Variants in WASHC4 observed in about 807,000 individuals in gnomAD.
The protein encoded by WASHC4 is WASH complex subunit 4.
Under a neutral mutation model 166.6 loss-of-function variants are expected in WASHC4, and 86 were observed. The observed-to-expected ratio is 0.52, with a 90% confidence interval of 0.43 to 0.62. WASHC4 has a LOEUF of 0.62. WASHC4 is among the 20% of genes least tolerant of loss of function. The pLI, the probability that WASHC4 is intolerant of heterozygous loss-of-function variation, is 0.00. For synonymous variants in WASHC4, 446 were observed against 451.6 expected (o/e 0.99, Z 0.16); for missense variants, 1,262 against 1,382.4 (o/e 0.91, Z 1.38).
At chr12:105,135,676 C>G (rs1021013137) in intron 14 of WASHC4, among the ~76,000 whole-genome samples, 5 of 77,446 alleles carry the variant, frequency 6.5e-5, no homozygotes, top group East Asian at 1.0e-3. Flanking sequence ...TTCTAATTCT[C>G]TCTTCATCTG....
At chr12:105,152,904 C>T (rs73179984) in intron 26 of WASHC4, among the ~76,000 whole-genome samples, 169 of 151,682 alleles carry the variant, frequency 1.1e-3, no homozygotes, top group Non-Finnish European at 1.8e-3. Context: ...TCTGCCCTTA[C>T]GAGTGGAACT....
chr12:105,147,268 A>AT (rs3215374), intron 24 of WASHC4, 122 bp downstream of exon 24: 14 of 694,088 alleles, frequency 2.0e-5, no homozygotes, highest in South Asian at 3.1e-5. Context: ...ATGAATTTCC[A>AT]TTTTTTTTCT....
intron 13 of WASHC4, among the ~76,000 whole-genome samples, chr12:105,132,025 G>C (rs115465611): frequency 9.1e-4 from 139 of 152,194 alleles, no homozygotes; most frequent in African/African-American, 3.3e-3. Flanking sequence ...TCAGTTCCTT[G>C]CCCTGAAGAG....
intron 15 of WASHC4, 28 bp downstream of exon 15, chr12:105,138,039 A>T: frequency 6.2e-7 from 1 of 1,601,788 alleles, no homozygotes; most frequent in East Asian, 2.2e-5. Flanking sequence ...TTACTGCTCC[A>T]TCATAATTGA....
At chr12:105,144,217 G>A (rs1883102395) in intron 20 of WASHC4, 70 bp from the exon 21 acceptor site, 6 of 1,282,466 alleles carry the variant, frequency 4.7e-6, no homozygotes, top group South Asian at 1.2e-5. Context: ...ATGGAGCATA[G>A]ACATGTAGGG....
At chr12:105,152,817 A>G (rs1883868128) in intron 26 of WASHC4, among the ~76,000 whole-genome samples, 1 of 152,196 alleles carries the variant, frequency 6.6e-6, no homozygotes, top group Admixed American at 6.5e-5. Context: ...CTAAATGTGA[A>G]GGTATAAAAT....
chr12:105,131,663 C>A (rs1241049580), intron 13 of WASHC4, among the ~76,000 whole-genome samples: 2 of 152,126 alleles, frequency 1.3e-5, no homozygotes, highest in Non-Finnish European at 2.9e-5. Flanking sequence ...GAGTCTTGAT[C>A]ACAACCTCCT....
intron 29 of WASHC4, among the ~76,000 whole-genome samples, chr12:105,161,010 G>A (rs1027576960): frequency 2.6e-5 from 4 of 152,140 alleles, no homozygotes; most frequent in Non-Finnish European, 5.9e-5. Flanking sequence ...GGAAAATGGA[G>A]TTAAGAATTT....
Position 105,142,565 on chromosome 12 carries a change from A to G in WASHC4, c.1893+7A>G, listed in dbSNP as rs1421923066. On this transcript the variant is annotated splice_region_variant and intron_variant, in intron 19 of 32. Coordinates refer to ENST00000332180, the MANE Select transcript of WASHC4 (RefSeq NM_015275.3). ...TGATGCAGCCAGATTACATGTAAGTAAAGAACAATATAAAGAATAATTCTA... is the reference window on the plus strand; with the variant it reads ...TGATGCAGCCAGATTACATGTAAGTGAAGAACAATATAAAGAATAATTCTA... 2 of 1,368,956 alleles carry G rather than the reference A, an allele frequency of 1.5e-6. No individual in the cohort carries two copies. Among genetic ancestry groups the G allele is most frequent in the Non-Finnish European group, 1.0e-6 (1 of 959,516 alleles). 84.8% of individuals were successfully genotyped at this position (1,368,956 alleles called of 1,614,324 possible). A position where few individuals can be genotyped will look rare whatever the true frequency, so the allele number is the denominator to read the frequency against.
intron 26 of WASHC4, among the ~76,000 whole-genome samples, chr12:105,154,033 CTTT>C (rs34546795): frequency 3.6e-5 from 5 of 139,506 alleles, no homozygotes; most frequent in Admixed American, 1.4e-4. Flanking sequence ...AATATAAATT[CTTT>C]TTTTTTTTTT....
chr12:105,150,876 T>TATA (rs59142363), intron 25 of WASHC4, among the ~76,000 whole-genome samples: 133,426 of 151,946 alleles, frequency 0.88, 58,862 homozygotes, highest in East Asian at 1. Flanking sequence ...GGGAAGCCCT[T>TATA]ACAACCATCA....
At chr12:105,140,792 T>G in intron 16 of WASHC4, 107 bp from the exon 17 acceptor site, 1 of 1,095,012 alleles carries the variant, frequency 9.1e-7, no homozygotes, top group African/African-American at 1.5e-5. Flanking sequence ...AAAGTATTTG[T>G]GTATGCTCTC....
At chr12:105,133,714 C>T (rs1260974656) in intron 13 of WASHC4, 56 bp from the exon 14 acceptor site, 2 of 1,477,656 alleles carry the variant, frequency 1.4e-6, no homozygotes, top group African/African-American at 2.8e-5. Flanking sequence ...CAATCAGTAT[C>T]AAGAAATGGA....
At chr12:105,135,233 GTTGC>G (rs1289003511) in intron 14 of WASHC4, among the ~76,000 whole-genome samples, 2 of 152,010 alleles carry the variant, frequency 1.3e-5, no homozygotes, top group African/African-American at 4.8e-5. Context: ...TACCTGTTCT[GTTGC>G]TTTTTATTCT....
Position 105,144,876 on chromosome 12 carries a change from T to C in WASHC4, c.2334+4T>C. 2 of 1,609,884 alleles carry C rather than the reference T, an allele frequency of 1.2e-6. No individual in the cohort carries two copies. Among genetic ancestry groups the C allele is most frequent in the Non-Finnish European group, 1.7e-6 (2 of 1,178,496 alleles). ...TCCCAGTCAGACTTTGGAACAGGTA[T>C]AGTATAAAATGTTTTTTTTAGCATA... On this transcript the variant is annotated splice_donor_region_variant and intron_variant, in intron 22 of 32. Transcript: ENST00000332180.
chr12:105,151,115 A>G (rs1883728118), intron 25 of WASHC4, among the ~76,000 whole-genome samples: 2 of 128,342 alleles, frequency 1.6e-5, no homozygotes, highest in Admixed American at 1.9e-4. Flanking sequence ...ACTGCTCTCC[A>G]GCCTGAGTGA....
chr12:105,141,261 G>A lies in WASHC4; in HGVS notation c.1787+15G>A. ...CTTAGAGAACGGTAAGTAGGACTGGGATATGCTGTGGTACTCCAAAGACAG... is the reference window on the plus strand; with the variant it reads ...CTTAGAGAACGGTAAGTAGGACTGGAATATGCTGTGGTACTCCAAAGACAG... On this transcript the variant is annotated intron_variant, in intron 18 of 32. Coordinates refer to ENST00000332180, the MANE Select transcript of WASHC4 (RefSeq NM_015275.3). 1 of 1,511,672 alleles carries A rather than the reference G, an allele frequency of 6.6e-7. No individual in the cohort carries two copies. Among genetic ancestry groups the A allele is most frequent in the Non-Finnish European group, 9.2e-7 (1 of 1,086,682 alleles). The allele number at this position is 1,511,672 out of a possible 1,614,324, so 93.6% of individuals were successfully genotyped here.
rs1337582179 is a variant in WASHC4, at chr12:105,118,363, TAG to T, written c.436-80_436-79del. 20 of 987,194 alleles carry T rather than the reference TAG, an allele frequency of 2.0e-5. No homozygotes were observed. In the East Asian group the frequency reaches 4.8e-4, roughly 24 times the overall value. The allele number at this position is 987,194 out of a possible 1,614,324, so 61.2% of individuals were successfully genotyped here. A position where few individuals can be genotyped will look rare whatever the true frequency, so the allele number is the denominator to read the frequency against. On this transcript the variant is annotated intron_variant, in intron 6 of 32. Coordinates refer to ENST00000332180, the MANE Select transcript of WASHC4 (RefSeq NM_015275.3). ...TATTGGAAAACTGTTTTGTTTTTGT[TAG>T]AGTTGTTACCATAAAATTCAGTAAA... is the stretch of plus-strand genomic sequence containing the variant.
At chr12:105,120,061 C>T (rs1225789347) in intron 7 of WASHC4, among the ~76,000 whole-genome samples, 2 of 151,964 alleles carry the variant, frequency 1.3e-5, no homozygotes, top group Non-Finnish European at 2.9e-5. Context: ...GCGAGACCCC[C>T]TTCTCCACAA....
Sources: gnomAD v4.1 joint callset for allele counts (sites outside exome capture counted in the v4.1 genomes callset) on GRCh38, gnomAD v4.1.1 for gene constraint, MANE v1.5 for transcripts, NCBI Gene and HGNC (gene_info 2026-07-23, HGNC 2026-07-21) for gene names.